Variants in ISY1 observed in about 807,000 individuals in gnomAD.
The protein encoded by ISY1 is pre-mRNA-splicing factor ISY1 homolog.
A neutral mutation model predicts 54.4 loss-of-function variants in ISY1; 12 were observed. That is an observed-to-expected ratio of 0.22 (90% CI 0.14 to 0.36). The LOEUF (loss-of-function observed/expected upper bound fraction) is 0.36, where lower values mean the gene tolerates loss of function less well. Among genes scored for constraint, ISY1 ranks in the 10% least tolerant of loss-of-function variants. The probability of loss-of-function intolerance (pLI) is 1.00; values close to 1 mark genes in which losing one functional copy is unlikely to be tolerated. For missense variants in ISY1, 282 were observed against 342.2 expected, an observed-to-expected ratio of 0.82 and a Z score of 1.39; for synonymous variants, 96 against 117.9, an observed-to-expected ratio of 0.81 and a Z score of 1.20.
intron 9 of ISY1, among the ~76,000 whole-genome samples, chr3:129,132,279 T>G (rs930663281): frequency 6.6e-6 from 1 of 152,168 alleles, no homozygotes; most frequent in African/African-American, 2.4e-5. Flanking sequence ...TGGGGGGAAC[T>G]GGGTGAAGCA....
At chr3:129,138,814 CAA>C (rs752198992) in intron 7 of ISY1, among the ~76,000 whole-genome samples, 11 of 110,902 alleles carry the variant, frequency 9.9e-5, no homozygotes, top group Non-Finnish European at 7.5e-5. Context: ...GACTCCATCT[CAA>C]AAAAAAAAAA....
At chr3:129,150,218 T>C (rs1936923979) in intron 5 of ISY1, among the ~76,000 whole-genome samples, 1 of 152,180 alleles carries the variant, frequency 6.6e-6, no homozygotes, top group Non-Finnish European at 1.5e-5. Flanking sequence ...AGACATAGAA[T>C]GTCAATGTAA....
intron 5 of ISY1, 145 bp from the exon 6 acceptor site, chr3:129,146,018 A>G: frequency 1.5e-6 from 1 of 683,752 alleles, no homozygotes; most frequent in East Asian, 3.1e-5. Context: ...AATTGATAAG[A>G]AAAACCACCC....
At chr3:129,155,441 G>A (rs191277078) in intron 5 of ISY1, among the ~76,000 whole-genome samples, 104 of 151,958 alleles carry the variant, frequency 6.8e-4, no homozygotes, top group Non-Finnish European at 1.3e-3. Flanking sequence ...TGATCCACCC[G>A]CCTCGGCCTC....
At chr3:129,151,899 C>T (rs1156398329) in intron 5 of ISY1, among the ~76,000 whole-genome samples, 1 of 152,050 alleles carries the variant, frequency 6.6e-6, no homozygotes, top group African/African-American at 2.4e-5. Flanking sequence ...TGGCTCATGC[C>T]TGTAATCCCA....
rs915693433 is a variant in ISY1, at chr3:129,130,477, C to G, written c.750+73G>C. On this transcript the variant is annotated intron_variant, in intron 10 of 10. Coordinates refer to ENST00000393295, the MANE Select transcript of ISY1 (RefSeq NM_020701.4). ...GATGGGTAGGAAGGACAACGAAAAC[C>G]CACTACAGTGCTCTGTGAAGTCTGC... 6.4e-6 allele frequency: 10 copies of G among 1,561,194 alleles called. No homozygotes were observed. In the African/African-American group the frequency reaches 1.4e-4, roughly 21 times the overall value.
chr3:129,140,662 C>T (rs2107606773), intron 6 of ISY1, among the ~76,000 whole-genome samples, 177 bp from the exon 7 acceptor site: 1 of 152,234 alleles, frequency 6.6e-6, no homozygotes, highest in Non-Finnish European at 1.5e-5. Flanking sequence ...CCTCCACCTC[C>T]TGGGTTCAAG....
At chr3:129,150,179 T>C (rs1936923127) in intron 5 of ISY1, among the ~76,000 whole-genome samples, 1 of 152,184 alleles carries the variant, frequency 6.6e-6, no homozygotes, top group Non-Finnish European at 1.5e-5. Context: ...TTGGCTATTC[T>C]AGTTCCTTTG....
At chr3:129,157,079 C>T (rs115855891) in intron 3 of ISY1, among the ~76,000 whole-genome samples, 159 bp from the exon 4 acceptor site, 152 of 152,300 alleles carry the variant, frequency 1.0e-3, no homozygotes, top group African/African-American at 3.3e-3. Flanking sequence ...CCTCATTCTA[C>T]AATCTCTCCT....
intron 7 of ISY1, among the ~76,000 whole-genome samples, chr3:129,139,885 G>A (rs1001750788): frequency 9.2e-5 from 14 of 151,852 alleles, no homozygotes; most frequent in Non-Finnish European, 1.3e-4. Context: ...CAGGTGATCC[G>A]CCCACCTCAG....
intron 1 of ISY1, 55 bp downstream of exon 1, chr3:129,160,918 G>GCCCCGGGGGGGGGGGGGGC: frequency 1.5e-6 from 1 of 666,128 alleles, no homozygotes; most frequent in South Asian, 1.6e-5. Flanking sequence ...TGGACTGGGC[G>GCCCCGGGGGGGGGGGGGGC]CCCCCCCGCC....
At chr3:129,140,297 G>T in intron 7 of ISY1, 71 bp downstream of exon 7, 1 of 1,360,420 alleles carries the variant, frequency 7.4e-7, no homozygotes, top group South Asian at 1.4e-5. Context: ...AGTAAGAGCA[G>T]TTAGCATATA....
intron 5 of ISY1, among the ~76,000 whole-genome samples, chr3:129,153,961 G>A (rs1160479234): frequency 6.6e-6 from 1 of 151,732 alleles, no homozygotes; most frequent in African/African-American, 2.4e-5. Flanking sequence ...ACAAAAATTT[G>A]GCTGGGCGCC....
Position 129,141,543 on chromosome 3 carries a change from A to G in ISY1, c.301-1058T>C, listed in dbSNP as rs1054993522. Among the ~76,000 whole-genome samples, 26 of 152,164 alleles carry G rather than the reference A, an allele frequency of 1.7e-4. 3 individuals carry two copies. Among genetic ancestry groups the G allele is most frequent in the Admixed American group, 5.9e-4 (9 of 15,276 alleles). ...GCCGAGGTGGGCGGATCACGAGGTCAGGAGACCGAGACCATCCTGGCTAAC... is the reference window on the plus strand; with the variant it reads ...GCCGAGGTGGGCGGATCACGAGGTCGGGAGACCGAGACCATCCTGGCTAAC... On this transcript the variant is annotated intron_variant, in intron 6 of 10. Transcript: ENST00000393295.
chr3:129,133,412 A>G (rs1354109454), intron 9 of ISY1, among the ~76,000 whole-genome samples: 2 of 152,146 alleles, frequency 1.3e-5, no homozygotes, highest in Admixed American at 6.5e-5. Context: ...CAGGGGTGTT[A>G]GGGCTGGGAG....
Position 129,129,948 on chromosome 3 carries a change from C to T in ISY1, c.*133G>A. 1.5e-6 allele frequency: 1 copy of T among 657,376 alleles called. No homozygotes were observed. Among genetic ancestry groups the T allele is most frequent in the Admixed American group, 3.4e-5 (1 of 29,252 alleles). 40.7% of individuals were successfully genotyped at this position (657,376 alleles called of 1,614,324 possible). ...GGACAGACCCCTACCCTCCGGTCAA[C>T]ATGAGACAAGGAGAGGGAAGGAAGG... On this transcript the variant is annotated 3_prime_UTR_variant, in exon 11 of 11. Coordinates refer to ENST00000393295, the MANE Select transcript of ISY1 (RefSeq NM_020701.4).
rs2107624428 is a variant in ISY1, at chr3:129,161,061, A to C, written c.-86T>G. On this transcript the variant is annotated 5_prime_UTR_variant, in exon 1 of 11. Transcript: ENST00000393295. ...CCAGAAGACGCCGACGCTCACAGGA[A>C]CTGAAGATTCCAACTACCCACAGAC... 6.5e-7 allele frequency: 1 copy of C among 1,535,768 alleles called. No individual in the cohort carries two copies. Among genetic ancestry groups the C allele is most frequent in the South Asian group, 1.2e-5 (1 of 82,980 alleles).
At chr3:129,150,083 C>A (rs1936920822) in intron 5 of ISY1, among the ~76,000 whole-genome samples, 2 of 151,994 alleles carry the variant, frequency 1.3e-5, no homozygotes, top group Admixed American at 1.3e-4. Flanking sequence ...TCACCAATAC[C>A]ACATTATCTG....
intron 5 of ISY1, among the ~76,000 whole-genome samples, chr3:129,151,389 G>A (rs992464365): frequency 6.6e-6 from 1 of 151,946 alleles, no homozygotes; most frequent in African/African-American, 2.4e-5. Context: ...AGTACTTTGG[G>A]AGGCAGAGGC....
Sources: gnomAD v4.1 joint callset for allele counts (sites outside exome capture counted in the v4.1 genomes callset) on GRCh38, gnomAD v4.1.1 for gene constraint, MANE v1.5 for transcripts, NCBI Gene and HGNC (gene_info 2026-07-23, HGNC 2026-07-21) for gene names.